The following WWOX variants were observed in gnomAD, a reference collection of about 807,000 sequenced individuals.
WWOX encodes WW domain-containing oxidoreductase.
In WWOX, 69 loss-of-function variants were observed where a neutral mutation model predicts 46.2. The observed-to-expected ratio is 1.49, with a 90% CI of 1.23 to 1.82. The LOEUF (loss-of-function observed/expected upper bound fraction) is 1.82, where lower values mean the gene tolerates loss of function less well. WWOX is among the 40% of genes most tolerant of loss of function. The pLI is 0.00. For synonymous variants in WWOX, 359 were observed against 202.6 expected (o/e 1.77, Z -6.56); for missense variants, 919 against 542.6 (o/e 1.69, Z -6.89).
chr16:78,380,297 C>G (rs903569701), intron 5 of WWOX, among the ~76,000 whole-genome samples: 1 of 152,140 alleles, frequency 6.6e-6, no homozygotes, highest in South Asian at 2.1e-4. Context: ...TGAAATCTTG[C>G]GTTGGGCTGA....
At chr16:79,126,014 A>G (rs1455303094) in intron 8 of WWOX, among the ~76,000 whole-genome samples, 2 of 152,152 alleles carry the variant, frequency 1.3e-5, no homozygotes, top group Admixed American at 6.5e-5. Flanking sequence ...TGCTTAGTAG[A>G]TGTTTACTGA....
chr16:79,141,420 C>T (rs2050086886), intron 8 of WWOX, among the ~76,000 whole-genome samples: 1 of 152,208 alleles, frequency 6.6e-6, no homozygotes, highest in Admixed American at 6.5e-5. Flanking sequence ...ACATCCTCAA[C>T]CTTGGCAAAA....
chr16:78,397,988 C>T (rs899558703), intron 6 of WWOX, among the ~76,000 whole-genome samples: 1 of 152,226 alleles, frequency 6.6e-6, no homozygotes, highest in Non-Finnish European at 1.5e-5. Context: ...GCTGAAGCGG[C>T]AGCTGTTGAC....
chr16:78,351,739 C>A (rs974404603), intron 5 of WWOX, among the ~76,000 whole-genome samples: 3 of 152,180 alleles, frequency 2.0e-5, no homozygotes, highest in Admixed American at 6.5e-5. Context: ...TCACTGCAAA[C>A]CCTGCCTCCC....
intron 5 of WWOX, among the ~76,000 whole-genome samples, chr16:78,326,694 A>T (rs1228113377): frequency 6.6e-6 from 1 of 151,354 alleles, no homozygotes; most frequent in East Asian, 1.9e-4. Flanking sequence ...TGTTTTTATC[A>T]TTAAAAGCAA....
intron 8 of WWOX, among the ~76,000 whole-genome samples, chr16:78,568,104 C>T (rs1258239690): frequency 1.3e-5 from 2 of 152,094 alleles, no homozygotes; most frequent in Non-Finnish European, 2.9e-5. Context: ...CGTAAAAATC[C>T]GTGCGGAATT....
At chr16:78,893,798 G>C (rs138861790) in intron 8 of WWOX, among the ~76,000 whole-genome samples, 1 of 151,858 alleles carries the variant, frequency 6.6e-6, no homozygotes, top group Admixed American at 6.6e-5. Context: ...CACCTTCATC[G>C]ATCACACTTT....
intron 8 of WWOX, among the ~76,000 whole-genome samples, chr16:78,588,775 G>A (rs536197912): frequency 2.0e-5 from 3 of 152,134 alleles, no homozygotes; most frequent in Non-Finnish European, 4.4e-5. Flanking sequence ...CAAACACTTA[G>A]CATATGCTTT....
intron 8 of WWOX, among the ~76,000 whole-genome samples, chr16:79,041,625 G>C (rs2047973238): frequency 6.6e-6 from 1 of 152,086 alleles, no homozygotes; most frequent in Admixed American, 6.6e-5. Context: ...CAAGTGACTG[G>C]GGTCAGTAGC....
intron 1 of WWOX, among the ~76,000 whole-genome samples, chr16:78,106,591 T>G (rs1022822042): frequency 6.6e-6 from 1 of 151,964 alleles, no homozygotes; most frequent in African/African-American, 2.4e-5. Context: ...TAATTTTGTA[T>G]TTTTAGTAGA....
At chr16:79,009,360 A>C (rs530824198) in intron 8 of WWOX, among the ~76,000 whole-genome samples, 1 of 152,162 alleles carries the variant, frequency 6.6e-6, no homozygotes, top group Admixed American at 6.5e-5. Flanking sequence ...TTTTTCACAA[A>C]TGCTTATGGA....
chr16:78,696,447 A>G (rs1325429949), intron 8 of WWOX, among the ~76,000 whole-genome samples: 1 of 152,118 alleles, frequency 6.6e-6, no homozygotes, highest in Non-Finnish European at 1.5e-5. Flanking sequence ...ATCCAGTAGA[A>G]ACCGAACTTT....
intron 8 of WWOX, among the ~76,000 whole-genome samples, chr16:78,697,165 T>G (rs1408014572): frequency 6.6e-6 from 1 of 152,236 alleles, no homozygotes; most frequent in Non-Finnish European, 1.5e-5. Context: ...CTTCTTTTCC[T>G]CTGGGAAGAT....
At chr16:78,139,775 A>T (rs2033921893) in intron 4 of WWOX, among the ~76,000 whole-genome samples, 1 of 152,184 alleles carries the variant, frequency 6.6e-6, no homozygotes, top group Non-Finnish European at 1.5e-5. Flanking sequence ...ATAATTTGGG[A>T]TGTGATTACA....
chr16:78,212,111 C>A (rs1020542360), intron 5 of WWOX, among the ~76,000 whole-genome samples: 2 of 152,186 alleles, frequency 1.3e-5, no homozygotes, highest in Non-Finnish European at 2.9e-5. Flanking sequence ...CCGGGAACTG[C>A]CCTGCCCAGT....
chr16:78,330,605 C>CG (rs2080732947), intron 5 of WWOX, among the ~76,000 whole-genome samples: 1 of 152,156 alleles, frequency 6.6e-6, no homozygotes, highest in African/African-American at 2.4e-5. Context: ...CCGTGTTGGC[C>CG]GGGATGCTCT....
At chr16:78,390,954 C>G (rs951963818) in intron 6 of WWOX, among the ~76,000 whole-genome samples, 18 of 152,184 alleles carry the variant, frequency 1.2e-4, no homozygotes, top group Admixed American at 1.1e-3. Flanking sequence ...AGAGTATTAT[C>G]AGGCTCTGAG....
At chr16:78,915,933 C>G (rs950526698) in intron 8 of WWOX, among the ~76,000 whole-genome samples, 10 of 152,120 alleles carry the variant, frequency 6.6e-5, no homozygotes, top group Admixed American at 1.3e-4. Context: ...ACAAAACACC[C>G]CAAGCTCAAT....
Position 78,387,042 on chromosome 16 carries a change from T to C in WWOX, c.605+94T>C, listed in dbSNP as rs1293737450. Reference sequence around the variant, plus strand: ...CAATTGGGAGAATGCAAGGCTGTTGTGTTGTCTTGGCGTCCAAACAGGAGG... The same window carrying C: ...CAATTGGGAGAATGCAAGGCTGTTGCGTTGTCTTGGCGTCCAAACAGGAGG... On this transcript the variant is annotated intron_variant, in intron 6 of 8. Transcript: ENST00000566780. 3 of 1,338,454 alleles carry C rather than the reference T, an allele frequency of 2.2e-6. No individual in the cohort carries two copies. The East Asian group carries it at 6.9e-5, about 31-fold the overall frequency. 82.9% of individuals were successfully genotyped at this position (1,338,454 alleles called of 1,614,324 possible). A position where few individuals can be genotyped will look rare whatever the true frequency, so the allele number is the denominator to read the frequency against.
Sources: gnomAD v4.1 joint callset for allele counts (sites outside exome capture counted in the v4.1 genomes callset) on GRCh38, gnomAD v4.1.1 for gene constraint, MANE v1.5 for transcripts, NCBI Gene and HGNC (gene_info 2026-07-23, HGNC 2026-07-21) for gene names.